The following ASNS variants were observed in gnomAD, a reference collection of about 807,000 sequenced individuals.
ASNS encodes asparagine synthetase (glutamine-hydrolyzing).
A neutral mutation model predicts 62.6 loss-of-function variants in ASNS; 37 were observed. The observed-to-expected ratio is 0.59, with a 90% confidence interval of 0.45 to 0.78. The LOEUF (loss-of-function observed/expected upper bound fraction) is 0.78, where lower values mean the gene tolerates loss of function less well. Among genes scored for constraint, ASNS ranks in the 30% least tolerant of loss-of-function variants. The pLI is 0.00. For missense variants in ASNS, 520 were observed against 682.4 expected (o/e 0.76, Z 2.65); for synonymous variants, 207 against 237.9 (o/e 0.87, Z 1.19).
chr7:97,855,517 CTTTGA>C (rs1357004183), intron 8 of ASNS, 58 bp from the exon 9 acceptor site: 11 of 1,307,350 alleles, frequency 8.4e-6, no homozygotes, highest in African/African-American at 2.9e-5. Context: ...CCAAAAATGC[CTTTGA>C]TTTGATTTTT....
At chr7:97,908,640 G>T in the ASNS span, among the ~76,000 whole-genome samples, 1 of 152,092 alleles carries the variant, frequency 6.6e-6, no homozygotes, top group African/African-American at 2.4e-5. Flanking sequence ...GACCTCAAAT[G>T]ATCCACCCGC....
chr7:97,906,973 TG>T, the ASNS span, among the ~76,000 whole-genome samples: 2 of 152,294 alleles, frequency 1.3e-5, no homozygotes, highest in African/African-American at 4.8e-5. Context: ...TCACCCACAT[TG>T]GGGAGGACAA....
chr7:97,920,749 G>A, the ASNS span, among the ~76,000 whole-genome samples: 1 of 152,250 alleles, frequency 6.6e-6, no homozygotes, highest in Admixed American at 6.5e-5. Context: ...GAAATTAAAT[G>A]CACCATCTGG....
At chr7:97,861,551 T>C (rs1363690577) in intron 4 of ASNS, among the ~76,000 whole-genome samples, 2 of 152,218 alleles carry the variant, frequency 1.3e-5, no homozygotes, top group African/African-American at 4.8e-5. Context: ...TATTATATTG[T>C]CCTTATTACC....
chr7:97,879,215 C>G, the ASNS span, among the ~76,000 whole-genome samples: 1 of 152,098 alleles, frequency 6.6e-6, no homozygotes, highest in Non-Finnish European at 1.5e-5. Context: ...CTAGGCAATA[C>G]CATTCAGGAC....
intron 4 of ASNS, 133 bp downstream of exon 4, chr7:97,864,126 A>T: frequency 1.3e-6 from 1 of 759,224 alleles, no homozygotes; most frequent in South Asian, 2.1e-5. Flanking sequence ...TGTTTTTTTA[A>T]AAAAAGGTAA....
At chr7:97,859,002 G>A (rs773021736) in intron 5 of ASNS, 47 bp from the exon 6 acceptor site, 1 of 1,539,362 alleles carries the variant, frequency 6.5e-7, no homozygotes, top group South Asian at 1.2e-5. Flanking sequence ...ATCTTGGGCT[G>A]GATTAGTTAT....
the ASNS span, among the ~76,000 whole-genome samples, chr7:97,893,403 A>G: frequency 1.3e-5 from 2 of 152,268 alleles, no homozygotes; most frequent in Non-Finnish European, 2.9e-5. Context: ...ATAACTTCGA[A>G]TATGGGTTAA....
chr7:97,922,740 A>G, the ASNS span, among the ~76,000 whole-genome samples: 1 of 152,260 alleles, frequency 6.6e-6, no homozygotes, highest in Non-Finnish European at 1.5e-5. Context: ...AAAACAAGAC[A>G]TTCTTTTTAC....
At chr7:97,920,618 T>C in the ASNS span, among the ~76,000 whole-genome samples, 1 of 152,308 alleles carries the variant, frequency 6.6e-6, no homozygotes, top group Admixed American at 6.5e-5. Context: ...GCCCCCAGAA[T>C]ACAGGGCTCT....
chr7:97,928,090 C>G, the ASNS span: 7 of 1,523,348 alleles, frequency 4.6e-6, no homozygotes, highest in Non-Finnish European at 1.8e-6. Flanking sequence ...ACTCCTCTGC[C>G]GTCGCCACCT....
chr7:97,917,539 C>T, the ASNS span, among the ~76,000 whole-genome samples: 6 of 150,764 alleles, frequency 4.0e-5, no homozygotes, highest in African/African-American at 7.3e-5. Flanking sequence ...CCAGCTCAGC[C>T]GGGGCTGCAG....
the ASNS span, among the ~76,000 whole-genome samples, chr7:97,896,771 C>G: frequency 4.8e-5 from 1 of 20,856 alleles, no homozygotes. Context: ...TATATATATA[C>G]TGCAAAGCTA....
chr7:97,902,803 C>G, the ASNS span, among the ~76,000 whole-genome samples: 1 of 152,138 alleles, frequency 6.6e-6, no homozygotes, highest in Non-Finnish European at 1.5e-5. Flanking sequence ...TATTACAGAC[C>G]CTTCCAGGAT....
chr7:97,885,838 G>A, the ASNS span: 29 of 344,976 alleles, frequency 8.4e-5, no homozygotes, highest in Middle Eastern at 7.3e-4. Context: ...ACAATCTAAT[G>A]TGTATTTGAC....
chr7:97,895,992 A>G, the ASNS span, among the ~76,000 whole-genome samples: 2 of 151,118 alleles, frequency 1.3e-5, no homozygotes, highest in East Asian at 1.9e-4. Context: ...GATGAGGAAA[A>G]AAAAAAAAAC....
chr7:97,871,893 GTC>G (rs897184704), intron 1 of ASNS: 1 of 152,278 alleles, frequency 6.6e-6, no homozygotes, highest in African/African-American at 2.4e-5. Context: ...TAAGGCCGCA[GTC>G]TCTTCCTAGA....
At chr7:97,911,551 AG>A in the ASNS span, among the ~76,000 whole-genome samples, 1 of 151,326 alleles carries the variant, frequency 6.6e-6, no homozygotes, top group African/African-American at 2.4e-5. Context: ...CTGAGGTGGG[AG>A]GATCACCTGA....
the ASNS span, among the ~76,000 whole-genome samples, chr7:97,891,745 A>G: frequency 1.3e-5 from 2 of 152,170 alleles, no homozygotes; most frequent in Non-Finnish European, 2.9e-5. Flanking sequence ...GGTCATGCTG[A>G]TGTAAGAGGT....
Sources: allele counts gnomAD v4.1 joint callset (sites outside exome capture counted in the v4.1 genomes callset), GRCh38; gene constraint gnomAD v4.1.1; transcripts MANE v1.5; gene names NCBI Gene and HGNC (gene_info 2026-07-23, HGNC 2026-07-21).